CRPPA: variants seen among roughly 807,000 people sequenced by gnomAD.
CRPPA encodes D-ribitol-5-phosphate cytidylyltransferase.
In CRPPA, 43 loss-of-function variants were observed where a neutral mutation model predicts 52.0. The ratio of observed to expected loss-of-function variants is 0.83; its 90% CI spans 0.65 to 1.07. CRPPA has a LOEUF of 1.07. Ranked by LOEUF, CRPPA falls within the 50% of genes least tolerant of loss-of-function variation. The pLI, the probability that CRPPA is intolerant of heterozygous loss-of-function variation, is 0.00. For missense variants in CRPPA, 629 were observed against 551.7 expected, an observed-to-expected ratio of 1.14 and a Z score of -1.40; for synonymous variants, 250 against 203.5, an observed-to-expected ratio of 1.23 and a Z score of -1.94.
chr7:16,103,646 A>G (rs1047298338), intron 9 of CRPPA, among the ~76,000 whole-genome samples: 5 of 152,156 alleles, frequency 3.3e-5, no homozygotes, highest in African/African-American at 9.7e-5. Context: ...ACACTGATAA[A>G]TCTATACTAA....
At chr7:16,324,533 C>T (rs1337113364) in intron 3 of CRPPA, among the ~76,000 whole-genome samples, 1 of 152,214 alleles carries the variant, frequency 6.6e-6, no homozygotes, top group Non-Finnish European at 1.5e-5. Flanking sequence ...GGGCACTGGC[C>T]TTTGATGCAG....
rs1270436331 is a variant in CRPPA at position 16,321,393 on chromosome 7, A to AT, written c.685-12767dup. ...CTAACACACGAATTATTAACCTTATATGACAACACTGAGTAGATATATCAC... is the reference window on the plus strand; with the variant it reads ...CTAACACACGAATTATTAACCTTATATTGACAACACTGAGTAGATATATCAC... On this transcript the variant is annotated intron_variant, in intron 3 of 9. Transcript: ENST00000407010. Among the ~76,000 whole-genome samples, 9 of 152,188 alleles carry AT rather than the reference A, an allele frequency of 5.9e-5. 1 individual carries two copies. In the East Asian group the frequency reaches 1.7e-3, roughly 29 times the overall value.
chr7:16,287,384 T>C (rs1784472886), intron 5 of CRPPA, among the ~76,000 whole-genome samples: 1 of 152,174 alleles, frequency 6.6e-6, no homozygotes, highest in African/African-American at 2.4e-5. Context: ...TTTCTCAGTA[T>C]CATCCCAAGC....
chr7:16,308,263 A>T (rs1784958071), intron 4 of CRPPA, among the ~76,000 whole-genome samples: 1 of 152,208 alleles, frequency 6.6e-6, no homozygotes, highest in African/African-American at 2.4e-5. Flanking sequence ...ACAGACTAAT[A>T]AAGCTATCTA....
intron 9 of CRPPA, among the ~76,000 whole-genome samples, chr7:16,107,321 T>C (rs1443118114): frequency 6.6e-6 from 1 of 152,056 alleles, no homozygotes; most frequent in Non-Finnish European, 1.5e-5. Flanking sequence ...TCAAGGCACA[T>C]AATGAACTAT....
intron 5 of CRPPA, among the ~76,000 whole-genome samples, chr7:16,295,025 A>T (rs1784643496): frequency 6.6e-6 from 1 of 152,124 alleles, no homozygotes; most frequent in Non-Finnish European, 1.5e-5. Flanking sequence ...CCAACACAGT[A>T]TTCCTAGTTC....
intron 9 of CRPPA, among the ~76,000 whole-genome samples, chr7:16,179,290 T>C (rs1781364981): frequency 6.6e-6 from 1 of 152,130 alleles, no homozygotes; most frequent in African/African-American, 2.4e-5. Context: ...TTCAACTTTA[T>C]AAATGATAGA....
intron 9 of CRPPA, among the ~76,000 whole-genome samples, chr7:16,137,500 T>C (rs1583382332): frequency 6.6e-6 from 1 of 152,218 alleles, no homozygotes; most frequent in Admixed American, 6.5e-5. Flanking sequence ...AATGGGCTCA[T>C]GTATTAACTT....
intron 2 of CRPPA, among the ~76,000 whole-genome samples, chr7:16,378,162 A>C (rs903878526): frequency 2.6e-5 from 4 of 151,760 alleles, no homozygotes; most frequent in Admixed American, 1.3e-4. Context: ...CACAATGTGC[A>C]GGTTAGTTAC....
intron 3 of CRPPA, among the ~76,000 whole-genome samples, chr7:16,373,334 T>A (rs1407142132): frequency 1.3e-5 from 2 of 152,042 alleles, no homozygotes; most frequent in African/African-American, 4.8e-5. Flanking sequence ...GTTTAAGATC[T>A]GGAAAGAGTG....
intron 6 of CRPPA, 149 bp downstream of exon 6, chr7:16,277,980 G>A: frequency 1.6e-6 from 1 of 625,874 alleles, no homozygotes; most frequent in African/African-American, 1.9e-5. Flanking sequence ...GATCCTAAGT[G>A]CTGGCAGACC....
At chr7:16,151,853 A>T (rs1783081719) in intron 9 of CRPPA, among the ~76,000 whole-genome samples, 1 of 152,032 alleles carries the variant, frequency 6.6e-6, no homozygotes, top group Non-Finnish European at 1.5e-5. Flanking sequence ...AGGAAATTAC[A>T]ATATACTACC....
At chr7:16,216,412 T>G (rs770989408) in intron 8 of CRPPA, 1 of 356,496 alleles carries the variant, frequency 2.8e-6, no homozygotes, top group East Asian at 5.3e-5. Flanking sequence ...GAAAACGAGG[T>G]TGAAAAACCA....
intron 9 of CRPPA, among the ~76,000 whole-genome samples, chr7:16,142,520 C>G (rs1228512580): frequency 6.6e-6 from 1 of 152,160 alleles, no homozygotes; most frequent in East Asian, 1.9e-4. Context: ...GCTGATAAAA[C>G]TTTTAGATGT....
At chr7:16,298,607 A>G (rs1784721669) in intron 5 of CRPPA, among the ~76,000 whole-genome samples, 1 of 152,238 alleles carries the variant, frequency 6.6e-6, no homozygotes, top group Non-Finnish European at 1.5e-5. Context: ...TACTTTGAAC[A>G]TGGTTAATTT....
At position 16,132,136 on chromosome 7, in the gene CRPPA, A is replaced by G. The variant is rs548426595; in HGVS notation, c.1252-40337T>C. On this transcript the variant is annotated intron_variant, in intron 9 of 9. Coordinates refer to ENST00000407010, the MANE Select transcript of CRPPA (RefSeq NM_001101426.4). Reference sequence around the variant, plus strand: ...TGCCAGCTCCATGGGCCTAGAGAAAAGAATATGGAACCAAAGAGTGATCTT... The same window carrying G: ...TGCCAGCTCCATGGGCCTAGAGAAAGGAATATGGAACCAAAGAGTGATCTT... Among the ~76,000 whole-genome samples, 21 of 129,566 alleles carry G rather than the reference A, an allele frequency of 1.6e-4. 1 individual carries two copies. The highest frequency in any genetic ancestry group is 5.0e-4 in the African/African-American group (20 of 39,660). 85.0% of individuals were successfully genotyped at this position (129,566 alleles called of 152,430 possible).
At chr7:16,403,466 C>G (rs567369369) in intron 2 of CRPPA, among the ~76,000 whole-genome samples, 1 of 152,058 alleles carries the variant, frequency 6.6e-6, no homozygotes, top group South Asian at 2.1e-4. Flanking sequence ...CACCCCTCCC[C>G]CTAAAGATAA....
intron 6 of CRPPA, among the ~76,000 whole-genome samples, chr7:16,274,506 C>A (rs999369751): frequency 6.6e-6 from 1 of 152,080 alleles, no homozygotes; most frequent in Non-Finnish European, 1.5e-5. Context: ...AGTAAAATAA[C>A]AGGACACCCA....
intron 2 of CRPPA, among the ~76,000 whole-genome samples, chr7:16,384,372 T>C (rs1430098035): frequency 6.6e-6 from 1 of 152,176 alleles, no homozygotes; most frequent in Non-Finnish European, 1.5e-5. Flanking sequence ...TGTAGGACAG[T>C]CAGTTTACCA....
Sources: gnomAD v4.1 joint callset for allele counts (sites outside exome capture counted in the v4.1 genomes callset) on GRCh38, gnomAD v4.1.1 for gene constraint, MANE v1.5 for transcripts, NCBI Gene and HGNC (gene_info 2026-07-23, HGNC 2026-07-21) for gene names.